LSM14B: variants seen among roughly 807,000 people sequenced by gnomAD.
LSM14B encodes the protein LSM family member 14B.
In LSM14B, 8 loss-of-function variants were observed where a neutral mutation model predicts 42.1. That is an observed-to-expected ratio of 0.19 (90% CI 0.11 to 0.34). The LOEUF (loss-of-function observed/expected upper bound fraction) is 0.34, where lower values mean the gene tolerates loss of function less well. Among genes scored for constraint, LSM14B ranks in the 10% least tolerant of loss-of-function variants. LSM14B has a pLI of 1.00. For missense variants in LSM14B, 396 were observed against 513.1 expected (o/e 0.77, Z 2.21); for synonymous variants, 219 against 209.7 (o/e 1.04, Z -0.38).
In LSM14B at chr20:62,131,423, T is replaced by G. The variant is rs1264946619; in HGVS notation, c.903T>G (p.Ala301=). ...AVVTQSAEAP[A]EEDLLGPNCY... ...TGACCCAGAGTGCCGAAGCGCCCGC[T>G]GAGGAAGACCTTCTGGGGCCCAACT... The change falls in exon 7 of 9, where the codon GCT becomes GCG. Residue 301 remains alanine, a synonymous_variant. Transcript: ENST00000279068. The G allele has an allele frequency of 3.7e-6, 6 of 1,613,762 alleles. No homozygotes were observed. Among genetic ancestry groups the G allele is most frequent in the Non-Finnish European group, 5.1e-6 (6 of 1,179,840 alleles).
Position 62,122,633 on chromosome 20 carries a change from C to T in LSM14B, c.-34C>T. On this transcript the variant is annotated 5_prime_UTR_variant, in exon 1 of 9. Coordinates refer to ENST00000279068, the MANE Select transcript of LSM14B (RefSeq NM_144703.3). The surrounding 1 kb of genome is among the most constrained non-coding windows in gnomAD (Gnocchi z 4.6). The stretch of plus-strand genomic sequence containing the variant: ...AGCGGGCCGCGGCCCGGCGCTCCTT[C>T]CCCACCGCGGCCCGACGCACCCCGG... 7.7e-7 allele frequency: 1 copy of T among 1,294,470 alleles called. No individual in the cohort carries two copies. The allele number at this position is 1,294,470 out of a possible 1,614,324, so 80.2% of individuals were successfully genotyped here.
chr20:62,130,930 G>T lies in LSM14B; in HGVS notation c.835+239G>T, dbSNP rs2056748916. ...GTGGTGGTGGGCGCCTGTAATCCCA[G>T]CTACTCGGGAGACTGAGACAGGAGA... On this transcript the variant is annotated intron_variant, in intron 6 of 8. Transcript: ENST00000279068. The surrounding 1 kb of genome is among the most constrained non-coding windows in gnomAD (Gnocchi z 4.1). Among the ~76,000 whole-genome samples, 2 of 152,122 alleles carry T rather than the reference G, an allele frequency of 1.3e-5. No homozygotes were observed. Among genetic ancestry groups the T allele is most frequent in the African/African-American group, 4.8e-5 (2 of 41,408 alleles).
intron 7 of LSM14B, 135 bp from the exon 8 acceptor site, chr20:62,133,155 C>A: frequency 1.9e-6 from 2 of 1,065,314 alleles, no homozygotes; most frequent in Non-Finnish European, 2.7e-6. Context: ...GGCTCCAGAG[C>A]TGACGGGGCC....
At chr20:62,129,709 G>A in intron 3 of LSM14B, 76 bp from the exon 4 acceptor site, 1 of 1,426,550 alleles carries the variant, frequency 7.0e-7, no homozygotes, top group Admixed American at 2.5e-5. Flanking sequence ...CATGCCAGCA[G>A]AAGAGAAATG....
In LSM14B at chr20:62,129,908, A is replaced by G; in HGVS notation, c.551A>G (p.Gln184Arg). Residue 184 changes from glutamine to arginine, a missense_variant, in exon 4 of 9, where the codon CAG becomes CGG. Transcript: ENST00000279068. The part of the protein sequence containing the change: ...LLPGKGTTGT[Q>R]LNGRQAQPSS... ...CCTGGCAAGGGCACCACAGGGACGC[A>G]GCTCAACGGTCGTCAGGCCCAGCCG... 1 of 1,613,584 alleles carries G rather than the reference A, an allele frequency of 6.2e-7. No individual in the cohort carries two copies. Among genetic ancestry groups the G allele is most frequent in the Non-Finnish European group, 8.5e-7 (1 of 1,179,818 alleles).
Position 62,130,162 on chromosome 20 carries a change from G to T in LSM14B, c.596-57G>T. 1.3e-6 allele frequency: 2 copies of T among 1,549,612 alleles called. No individual in the cohort carries two copies. The highest frequency in any genetic ancestry group is 2.4e-5 in the South Asian group (2 of 83,994). On this transcript the variant is annotated intron_variant, in intron 4 of 8. Transcript: ENST00000279068. The surrounding 1 kb of genome is among the most constrained non-coding windows in gnomAD (Gnocchi z 4.1). ...TGGTGGGGCCTGCTTCCACAGCTGG[G>T]TTCTGGCTTCCGGCTGCTATAGGAG...
At chr20:62,129,617 C>G (rs2056704895) in intron 3 of LSM14B, among the ~76,000 whole-genome samples, 168 bp from the exon 4 acceptor site, 1 of 152,160 alleles carries the variant, frequency 6.6e-6, no homozygotes, top group Admixed American at 6.5e-5. Context: ...CTGGGCTAGC[C>G]TCAGAGGGAA....
At chr20:62,123,345 AC>A (rs2056470510) in intron 1 of LSM14B, 1 of 152,478 alleles carries the variant, frequency 6.6e-6, no homozygotes, top group African/African-American at 2.4e-5. Flanking sequence ...CTGAACAAAT[AC>A]CGCGTCCTAA....
At chr20:62,125,952 C>A (rs978215723) in intron 2 of LSM14B, among the ~76,000 whole-genome samples, 2 of 152,094 alleles carry the variant, frequency 1.3e-5, no homozygotes, top group Admixed American at 6.6e-5. Context: ...CTCAGCTACT[C>A]GGGAGGCTGA....
chr20:62,130,136 G>A lies in LSM14B; in HGVS notation c.596-83G>A, dbSNP rs2056724327. 37 of 1,511,200 alleles carry A rather than the reference G, an allele frequency of 2.4e-5. No individual in the cohort carries two copies. The highest frequency in any genetic ancestry group is 3.2e-5 in the Non-Finnish European group (36 of 1,112,812). The allele number at this position is 1,511,200 out of a possible 1,614,324, so 93.6% of individuals were successfully genotyped here. A position where few individuals can be genotyped will look rare whatever the true frequency, so the allele number is the denominator to read the frequency against. On this transcript the variant is annotated intron_variant, in intron 4 of 8. Coordinates refer to ENST00000279068, the MANE Select transcript of LSM14B (RefSeq NM_144703.3). The surrounding 1 kb of genome is among the most constrained non-coding windows in gnomAD (Gnocchi z 4.1). Reference sequence around the variant, plus strand: ...TGCCGCCCTGGCCGCGTGCCCCATGGTGGTGGGGCCTGCTTCCACAGCTGG... The same window carrying A: ...TGCCGCCCTGGCCGCGTGCCCCATGATGGTGGGGCCTGCTTCCACAGCTGG...
chr20:62,127,864 C>T (rs1425042229), intron 3 of LSM14B: 3 of 718,692 alleles, frequency 4.2e-6, no homozygotes, highest in African/African-American at 1.7e-5. Context: ...GATTGATGAA[C>T]TCTCAGTGTT....
At position 62,129,846 on chromosome 20, in the gene LSM14B, T is replaced by G; in HGVS notation, c.489T>G (p.Thr163=). Residue 163 remains threonine, a synonymous_variant, in exon 4 of 9, where the codon ACT becomes ACG. Coordinates refer to ENST00000279068, the MANE Select transcript of LSM14B (RefSeq NM_144703.3). ...KSPMVEQAVQ[T]GSADNLNAKK... is the part of the protein sequence containing the mutation. Reference sequence around the variant, plus strand: ...CCATGGTGGAGCAGGCTGTGCAGACTGGTTCTGCTGACAACCTGAATGCTA... The same window carrying G: ...CCATGGTGGAGCAGGCTGTGCAGACGGGTTCTGCTGACAACCTGAATGCTA... 1 of 1,612,430 alleles carries G rather than the reference T, an allele frequency of 6.2e-7. No homozygotes were observed. The highest frequency in any genetic ancestry group is 8.5e-7 in the Non-Finnish European group (1 of 1,179,304).
chr20:62,126,202 G>T, intron 2 of LSM14B, 102 bp from the exon 3 acceptor site: 1 of 1,563,768 alleles, frequency 6.4e-7, no homozygotes. Flanking sequence ...GGTGCAGGCT[G>T]ATGGGACGGT....
Position 62,130,621 on chromosome 20 carries a change from C to T in LSM14B, c.765C>T (p.Phe255=), listed in dbSNP as rs144046063. Residue 255 remains phenylalanine, a synonymous_variant, in exon 6 of 9, where the codon TTC becomes TTT. Transcript: ENST00000279068. This position sits in a 1 kb window ranked among gnomAD's most constrained non-coding sequence, Gnocchi z 4.1. ...TCAAATTTGAGGGTGACTTTGATTT[C>T]GAGAGTGCAAATGCCCAGTTCAACC... ...NTIKFEGDFD[F]ESANAQFNRE... is the part of the protein sequence containing the mutation. 1.0e-4 allele frequency: 163 copies of T among 1,613,920 alleles called. No individual in the cohort carries two copies. In the East Asian group the frequency reaches 2.4e-3, roughly 24 times the overall value.
chr20:62,130,767 G>A lies in LSM14B; in HGVS notation c.835+76G>A. Reference sequence around the variant, plus strand: ...AGTGTTAGGAGGAGATGCCTGGCCGGGTGTGGTGGTTCACGCCTGTAATCT... The same window carrying A: ...AGTGTTAGGAGGAGATGCCTGGCCGAGTGTGGTGGTTCACGCCTGTAATCT... On this transcript the variant is annotated intron_variant, in intron 6 of 8. Coordinates refer to ENST00000279068, the MANE Select transcript of LSM14B (RefSeq NM_144703.3). This position sits in a 1 kb window ranked among gnomAD's most constrained non-coding sequence, Gnocchi z 4.1. 2 of 1,475,924 alleles carry A rather than the reference G, an allele frequency of 1.4e-6. No individual in the cohort carries two copies. Among genetic ancestry groups the A allele is most frequent in the East Asian group, 2.3e-5 (1 of 43,088 alleles). The allele number at this position is 1,475,924 out of a possible 1,614,324, so 91.4% of individuals were successfully genotyped here.
Position 62,122,536 on chromosome 20 carries a change from A to G in LSM14B, c.-131A>G, listed in dbSNP as rs1040885426. ...GCAGGCCCCTCGGGCGGTGGCGAGG[A>G]GGCGCCCAGGCGGAGGCGGCGGCGG... On this transcript the variant is annotated 5_prime_UTR_variant, in exon 1 of 9. Transcript: ENST00000279068. This position sits in a 1 kb window ranked among gnomAD's most constrained non-coding sequence, Gnocchi z 4.6. 2.3e-5 allele frequency: 14 copies of G among 615,706 alleles called. No homozygotes were observed. Among genetic ancestry groups the G allele is most frequent in the Admixed American group, 6.4e-5 (1 of 15,566 alleles). The allele number at this position is 615,706 out of a possible 1,614,324, so 38.1% of individuals were successfully genotyped here. A position where few individuals can be genotyped will look rare whatever the true frequency, so the allele number is the denominator to read the frequency against.
intron 1 of LSM14B, chr20:62,123,347 C>T (rs2056470626): frequency 6.6e-6 from 1 of 152,508 alleles, no homozygotes; most frequent in African/African-American, 2.4e-5. Context: ...GAACAAATAC[C>T]GCGTCCTAAT....
At chr20:62,131,773 C>T (rs544965708) in intron 7 of LSM14B, among the ~76,000 whole-genome samples, 2 of 152,322 alleles carry the variant, frequency 1.3e-5, no homozygotes, top group Admixed American at 6.5e-5. Context: ...TGGGCTGCAC[C>T]GCCCCCCCCG....
chr20:62,126,198 G>C (rs1024149786), intron 2 of LSM14B, 106 bp from the exon 3 acceptor site: 49 of 1,549,350 alleles, frequency 3.2e-5, no homozygotes, highest in Non-Finnish European at 4.1e-5. Flanking sequence ...CAAGGGTGCA[G>C]GCTGATGGGA....
Sources: allele counts gnomAD v4.1 joint callset (sites outside exome capture counted in the v4.1 genomes callset), GRCh38; gene constraint gnomAD v4.1.1; non-coding constraint Gnocchi (gnomAD v3.1); transcripts MANE v1.5; gene names NCBI Gene and HGNC (gene_info 2026-07-23, HGNC 2026-07-21).